ARNT: variants seen among roughly 807,000 people sequenced by gnomAD.
ARNT encodes the protein class E basic helix-loop-helix protein 2.
Under a neutral mutation model 105.0 loss-of-function variants are expected in ARNT, and 30 were observed. The observed-to-expected ratio is 0.29, with a 90% CI of 0.21 to 0.39. The LOEUF is 0.39. Ranked by LOEUF, ARNT falls within the 10% of genes least tolerant of loss-of-function variation. The pLI is 1.00. For synonymous variants in ARNT, 304 were observed against 344.0 expected, an observed-to-expected ratio of 0.88 and a Z score of 1.29; for missense variants, 748 against 978.7, an observed-to-expected ratio of 0.76 and a Z score of 3.15.
intron 14 of ARNT, chr1:150,818,587 AC>A (rs1283667484): frequency 6.6e-6 from 1 of 152,270 alleles, no homozygotes; most frequent in African/African-American, 2.4e-5. Flanking sequence ...CTCCGTCTCT[AC>A]AAAAAATACA....
At chr1:150,855,101 ACT>A (rs1299472863) in intron 2 of ARNT, among the ~76,000 whole-genome samples, 1 of 152,062 alleles carries the variant, frequency 6.6e-6, no homozygotes, top group East Asian at 1.9e-4. Flanking sequence ...CAGCCCAATA[ACT>A]CTATTTCTAA....
In ARNT at chr1:150,814,193, C is replaced by T; in HGVS notation, c.1997G>A (p.Gly666Asp). ...GGATGGAGTCTGAAAGCTGCCCACA[C>T]CAAACTGGGAAGTACGAGTCTTAGC... ...ATAKTRTSQF[G>D]VGSFQTPSSF... Residue 666 changes from glycine to aspartate, a missense_variant, in exon 20 of 22, where the codon GGT (glycine) becomes GAT (aspartate). By Grantham distance (94) the Gly-to-Asp change is moderately conservative (BLOSUM62 -1). Coordinates refer to ENST00000358595, the MANE Select transcript of ARNT (RefSeq NM_001668.4). 3 of 1,614,110 alleles carry T rather than the reference C, an allele frequency of 1.9e-6. No homozygotes were observed. The highest frequency in any genetic ancestry group is 1.7e-6 in the Non-Finnish European group (2 of 1,180,024).
chr1:150,814,210 A>T lies in ARNT; in HGVS notation c.1980T>A (p.Thr660=). Residue 660 remains threonine, a synonymous_variant, in exon 20 of 22, where the codon ACT becomes ACA. Transcript: ENST00000358595. ...TGCCCACACCAAACTGGGAAGTACG[A>T]GTCTTAGCAGTAGCCTGGGTAGCCA... ...QQVATQATAK[T]RTSQFGVGSF... is the part of the protein sequence containing the mutation. The T allele has an allele frequency of 5.0e-6, 8 of 1,614,162 alleles. No individual in the cohort carries two copies. The highest frequency in any genetic ancestry group is 6.8e-6 in the Non-Finnish European group (8 of 1,180,018).
intron 3 of ARNT, among the ~76,000 whole-genome samples, chr1:150,848,533 G>C (rs1662693522): frequency 6.6e-6 from 1 of 152,018 alleles, no homozygotes; most frequent in South Asian, 2.1e-4. Flanking sequence ...TGCACTGTTT[G>C]AAATTTTGTT....
chr1:150,821,588 T>C (rs1362932126), intron 14 of ARNT, among the ~76,000 whole-genome samples: 1 of 152,236 alleles, frequency 6.6e-6, no homozygotes, highest in Non-Finnish European at 1.5e-5. Context: ...TGTTTACATT[T>C]CTCTCAACTA....
At chr1:150,868,678 G>A (rs1666981335) in intron 1 of ARNT, among the ~76,000 whole-genome samples, 1 of 151,508 alleles carries the variant, frequency 6.6e-6, no homozygotes, top group Non-Finnish European at 1.5e-5. Flanking sequence ...GAGGTGGGCA[G>A]ATCACGAGGT....
intron 4 of ARNT, among the ~76,000 whole-genome samples, 199 bp downstream of exon 4, chr1:150,846,064 T>C (rs752440669): frequency 3.9e-5 from 6 of 152,188 alleles, no homozygotes; most frequent in Non-Finnish European, 8.8e-5. Flanking sequence ...GTATAAAATA[T>C]ACCGCCAGTT....
intron 19 of ARNT, among the ~76,000 whole-genome samples, chr1:150,815,507 CCACTG>C (rs1383188425): frequency 6.7e-6 from 1 of 149,762 alleles, no homozygotes; most frequent in African/African-American, 2.5e-5. Flanking sequence ...CGAGATCGCG[CCACTG>C]CACTCCAGAG....
At chr1:150,839,318 T>A in intron 6 of ARNT, 123 bp downstream of exon 6, 1 of 883,502 alleles carries the variant, frequency 1.1e-6, no homozygotes. Flanking sequence ...TAGCCAAGGA[T>A]TGAAATTCGT....
intron 1 of ARNT, 42 bp downstream of exon 1, chr1:150,876,501 G>GC: frequency 6.5e-7 from 1 of 1,547,102 alleles, no homozygotes; most frequent in South Asian, 1.2e-5. Context: ...AGCCCCTTCG[G>GC]CCCCTCCCCT....
At chr1:150,859,676 T>C (rs1039204370) in intron 1 of ARNT, among the ~76,000 whole-genome samples, 5 of 152,118 alleles carry the variant, frequency 3.3e-5, no homozygotes, top group African/African-American at 1.2e-4. Context: ...TTTTCTCTTA[T>C]TTTTCAATCT....
chr1:150,828,535 T>C (rs1658738452), intron 12 of ARNT, among the ~76,000 whole-genome samples: 2 of 152,188 alleles, frequency 1.3e-5, no homozygotes, highest in Non-Finnish European at 2.9e-5. Flanking sequence ...TGGTAATAGC[T>C]TTATAGTTAG....
rs1210267788 is a variant in ARNT at position 150,848,072 on chromosome 1, A to C, written c.183-1765T>G. On this transcript the variant is annotated intron_variant, in intron 3 of 21. Coordinates refer to ENST00000358595, the MANE Select transcript of ARNT (RefSeq NM_001668.4). Reference sequence around the variant, plus strand: ...TTGTGTAAAAAAAACTGAGGAGATAAGTGTGTGTATGCTCACACATACACA... The same window carrying C: ...TTGTGTAAAAAAAACTGAGGAGATACGTGTGTGTATGCTCACACATACACA... 4.6e-5 allele frequency among the ~76,000 whole-genome samples: 7 copies of C among 152,344 alleles called. No homozygotes were observed. In the South Asian group the frequency reaches 1.0e-3, roughly 23 times the overall value.
At chr1:150,849,700 C>T (rs1484057364) in intron 3 of ARNT, among the ~76,000 whole-genome samples, 6 of 152,078 alleles carry the variant, frequency 3.9e-5, no homozygotes, top group Non-Finnish European at 5.9e-5. Context: ...GAGTTCGAGG[C>T]TGTAGTGAGC....
At position 150,814,140 on chromosome 1, in the gene ARNT, C is replaced by T. The variant is rs746406064; in HGVS notation, c.2050G>A (p.Ala684Thr). The change falls in exon 20 of 22, where the codon GCC becomes ACC. Residue 684 changes from alanine to threonine, a missense_variant. Coordinates refer to ENST00000358595, the MANE Select transcript of ARNT (RefSeq NM_001668.4). ...SSFSSMSLPG[A>T]PTASPGAAAY... is the part of the protein sequence containing the mutation. ...GCAGCACCAGGCGATGCAGTTGGGG[C>T]ACCAGGGAGGGACATGGAGCTGAAG... 8 of 1,614,148 alleles carry T rather than the reference C, an allele frequency of 5.0e-6. No homozygotes were observed. The highest frequency in any genetic ancestry group is 6.8e-6 in the Non-Finnish European group (8 of 1,180,040).
intron 3 of ARNT, among the ~76,000 whole-genome samples, chr1:150,851,608 T>C (rs1207396893): frequency 3.9e-5 from 6 of 152,236 alleles, no homozygotes; most frequent in East Asian, 1.9e-4. Context: ...CAGGGTTAAA[T>C]GGATTAAGGG....
At position 150,841,027 on chromosome 1, in the gene ARNT, C is replaced by A. The variant is rs587696791; in HGVS notation, c.273-1373G>T. 7.6e-5 allele frequency among the ~76,000 whole-genome samples: 11 copies of A among 144,552 alleles called. No individual in the cohort carries two copies. In the East Asian group the frequency reaches 8.3e-4, roughly 11 times the overall value. 94.8% of individuals were successfully genotyped at this position (144,552 alleles called of 152,430 possible). ...ACAGTGGCGGGATCTCGGCTCACTG[C>A]AACCTCCGCCTTCTGGGTTCAAGCA... On this transcript the variant is annotated intron_variant, in intron 5 of 21. Coordinates refer to ENST00000358595, the MANE Select transcript of ARNT (RefSeq NM_001668.4).
chr1:150,857,781 C>A (rs1053842329), intron 2 of ARNT, among the ~76,000 whole-genome samples: 4 of 152,124 alleles, frequency 2.6e-5, no homozygotes, highest in Admixed American at 6.6e-5. Flanking sequence ...ATCATATATT[C>A]ATGTGTATAA....
At chr1:150,839,355 A>C in intron 6 of ARNT, 86 bp downstream of exon 6, 1 of 1,390,960 alleles carries the variant, frequency 7.2e-7, no homozygotes. Context: ...TTCTTCCTGA[A>C]AAGCTGAATT....
Sources: gnomAD v4.1 joint callset for allele counts (sites outside exome capture counted in the v4.1 genomes callset) on GRCh38, gnomAD v4.1.1 for gene constraint, MANE v1.5 for transcripts, NCBI Gene and HGNC (gene_info 2026-07-23, HGNC 2026-07-21) for gene names.